The following UBE2D1 variants were observed in gnomAD, a reference collection of about 807,000 sequenced individuals.
UBE2D1 encodes the protein ubiquitin-conjugating enzyme E2 D1.
A neutral mutation model predicts 24.6 loss-of-function variants in UBE2D1; 9 were observed. The observed-to-expected ratio is 0.37, with a 90% CI of 0.22 to 0.64. The LOEUF (loss-of-function observed/expected upper bound fraction) is 0.64. Among genes scored for constraint, UBE2D1 ranks in the 30% least tolerant of loss-of-function variants. UBE2D1 has a pLI of 0.64. For synonymous variants in UBE2D1, 57 were observed against 57.6 expected, an observed-to-expected ratio of 0.99 and a Z score of 0.04; for missense variants, 87 against 177.1, an observed-to-expected ratio of 0.49 and a Z score of 2.89.
intron 1 of UBE2D1, among the ~76,000 whole-genome samples, chr10:58,359,939 C>G (rs561378293): frequency 6.6e-6 from 1 of 152,314 alleles, no homozygotes; most frequent in East Asian, 1.9e-4. Flanking sequence ...CTTCTCCAAT[C>G]TAAGCCCCCA....
chr10:58,364,681 G>T, intron 4 of UBE2D1, 90 bp from the exon 5 acceptor site: 4 of 838,308 alleles, frequency 4.8e-6, no homozygotes, highest in Non-Finnish European at 7.5e-6. Flanking sequence ...TAAAGTTGAG[G>T]ATATTTTACC....
intron 5 of UBE2D1, among the ~76,000 whole-genome samples, chr10:58,366,803 G>A (rs1159751661): frequency 6.6e-6 from 1 of 151,640 alleles, no homozygotes; most frequent in Non-Finnish European, 1.5e-5. Flanking sequence ...GGCTGGTCTC[G>A]AACTCCTAAG....
chr10:58,338,221 A>G (rs1419975061), intron 1 of UBE2D1, among the ~76,000 whole-genome samples: 3 of 152,198 alleles, frequency 2.0e-5, no homozygotes, highest in African/African-American at 7.2e-5. Context: ...ACTATGAAAA[A>G]GAATAAAGAT....
intron 4 of UBE2D1, 198 bp from the exon 5 acceptor site, chr10:58,364,573 C>T: frequency 2.0e-6 from 1 of 500,444 alleles, no homozygotes; most frequent in Non-Finnish European, 3.5e-6. Flanking sequence ...AGGAAGCTGA[C>T]TTGTTTGTGT....
intron 1 of UBE2D1, among the ~76,000 whole-genome samples, chr10:58,349,981 G>A (rs1397320641): frequency 6.6e-6 from 1 of 152,126 alleles, no homozygotes; most frequent in Non-Finnish European, 1.5e-5. Context: ...GGAGCTGTAA[G>A]TTCATTCATT....
At chr10:58,340,282 A>T (rs1235825482) in intron 1 of UBE2D1, among the ~76,000 whole-genome samples, 2 of 152,210 alleles carry the variant, frequency 1.3e-5, no homozygotes, top group Admixed American at 6.5e-5. Flanking sequence ...CTTTCTCTGT[A>T]AAATGAAGGA....
intron 1 of UBE2D1, among the ~76,000 whole-genome samples, chr10:58,342,396 G>T (rs1247476098): frequency 6.6e-6 from 1 of 151,912 alleles, no homozygotes; most frequent in Non-Finnish European, 1.5e-5. Context: ...TGAGGAGTTG[G>T]TTCCTTCACC....
At chr10:58,362,109 A>G (rs991766352) in intron 3 of UBE2D1, among the ~76,000 whole-genome samples, 2 of 152,166 alleles carry the variant, frequency 1.3e-5, no homozygotes, top group African/African-American at 4.8e-5. Flanking sequence ...TTTTGTTAAA[A>G]TTATTTCTTT....
intron 1 of UBE2D1, among the ~76,000 whole-genome samples, chr10:58,340,581 G>A (rs187132473): frequency 6.6e-6 from 1 of 152,296 alleles, no homozygotes; most frequent in Non-Finnish European, 1.5e-5. Context: ...CACTTAAAAT[G>A]TCAAATCCTT....
At chr10:58,355,603 TG>T (rs777179809) in intron 1 of UBE2D1, among the ~76,000 whole-genome samples, 1 of 152,162 alleles carries the variant, frequency 6.6e-6, no homozygotes, top group Non-Finnish European at 1.5e-5. Context: ...TTAACAGGCA[TG>T]GGGAGTACAG....
intron 5 of UBE2D1, among the ~76,000 whole-genome samples, chr10:58,366,050 C>A (rs879356698): frequency 5.3e-5 from 8 of 152,166 alleles, no homozygotes; most frequent in Non-Finnish European, 8.8e-5. Context: ...GAATCTTTCA[C>A]ACAGTGTAAC....
intron 1 of UBE2D1, among the ~76,000 whole-genome samples, chr10:58,351,459 A>G (rs1409794959): frequency 2.6e-5 from 4 of 152,086 alleles, no homozygotes; most frequent in Non-Finnish European, 5.9e-5. Context: ...AAACCCACAC[A>G]TTAGCCTAGG....
chr10:58,343,880 T>A lies in UBE2D1; in HGVS notation c.24+8655T>A, dbSNP rs575197339. 1.1e-3 allele frequency among the ~76,000 whole-genome samples: 168 copies of A among 152,352 alleles called. 1 individual carries two copies. Among genetic ancestry groups the A allele is most frequent in the Non-Finnish European group, 2.2e-3 (147 of 68,032 alleles). On this transcript the variant is annotated intron_variant, in intron 1 of 6. Coordinates refer to ENST00000373910, the MANE Select transcript of UBE2D1 (RefSeq NM_003338.5). Reference sequence around the variant, plus strand: ...AGGTATTGGTAGGCATGTTCATGTTTTACACACGTTTTAATAAATAGGCAG... The same window carrying A: ...AGGTATTGGTAGGCATGTTCATGTTATACACACGTTTTAATAAATAGGCAG...
chr10:58,352,263 A>T (rs1320529232), intron 1 of UBE2D1, among the ~76,000 whole-genome samples: 1 of 152,040 alleles, frequency 6.6e-6, no homozygotes, highest in African/African-American at 2.4e-5. Context: ...GACAGTGATG[A>T]TATGCTAAGT....
At chr10:58,363,723 A>G in intron 4 of UBE2D1, 37 bp downstream of exon 4, 1 of 1,451,434 alleles carries the variant, frequency 6.9e-7, no homozygotes, top group Non-Finnish European at 9.6e-7. Flanking sequence ...ACTCCCATGT[A>G]AGAGATTTTA....
chr10:58,348,261 G>T (rs1293180556), intron 1 of UBE2D1, among the ~76,000 whole-genome samples: 2 of 152,188 alleles, frequency 1.3e-5, no homozygotes, highest in Non-Finnish European at 2.9e-5. Context: ...TCTGTATTTG[G>T]AGACATTTCT....
intron 1 of UBE2D1, among the ~76,000 whole-genome samples, chr10:58,354,513 G>A (rs763973091): frequency 6.6e-6 from 1 of 151,178 alleles, no homozygotes; most frequent in Non-Finnish European, 1.5e-5. Flanking sequence ...GTTTGTTTCT[G>A]TGGGTTATTT....
At chr10:58,353,345 A>C (rs1840097684) in intron 1 of UBE2D1, among the ~76,000 whole-genome samples, 1 of 152,160 alleles carries the variant, frequency 6.6e-6, no homozygotes, top group South Asian at 2.1e-4. Flanking sequence ...CAAACAAACA[A>C]AATCTCTGTC....
intron 1 of UBE2D1, among the ~76,000 whole-genome samples, chr10:58,336,155 G>A (rs995872817): frequency 6.6e-6 from 1 of 152,080 alleles, no homozygotes; most frequent in Middle Eastern, 3.4e-3. Context: ...ATTCAGATTC[G>A]GGCATTTCTT....
Sources: gnomAD v4.1 joint callset for allele counts (sites outside exome capture counted in the v4.1 genomes callset) on GRCh38, gnomAD v4.1.1 for gene constraint, MANE v1.5 for transcripts, NCBI Gene and HGNC (gene_info 2026-07-23, HGNC 2026-07-21) for gene names.